PPP2R2B: variants seen among roughly 807,000 people sequenced by gnomAD.
PPP2R2B encodes the protein protein phosphatase 2 regulatory subunit Bbeta, also known as serine/threonine-protein phosphatase 2A 55 kDa regulatory subunit B beta isoform.
A neutral mutation model predicts 46.0 loss-of-function variants in PPP2R2B; 5 were observed. The ratio of observed to expected loss-of-function variants is 0.11; its 90% confidence interval spans 0.06 to 0.23. The LOEUF (loss-of-function observed/expected upper bound fraction) is 0.23, where lower values mean the gene tolerates loss of function less well. Among genes scored for constraint, PPP2R2B ranks in the 10% least tolerant of loss-of-function variants. PPP2R2B has a pLI of 1.00. For missense variants in PPP2R2B, 367 were observed against 575.0 expected (o/e 0.64, Z 3.70); for synonymous variants, 215 against 206.7 (o/e 1.04, Z -0.34).
chr5:147,026,948 G>A (rs1755553824), intron 1 of PPP2R2B, among the ~76,000 whole-genome samples: 1 of 152,150 alleles, frequency 6.6e-6, no homozygotes, highest in South Asian at 2.1e-4. Flanking sequence ...TTACTCAGAG[G>A]CAATCAAAGC....
chr5:146,774,641 AC>A (rs1419811201), intron 2 of PPP2R2B, among the ~76,000 whole-genome samples: 4 of 151,912 alleles, frequency 2.6e-5, no homozygotes, highest in South Asian at 2.1e-4. Flanking sequence ...ACACGGCAAA[AC>A]CCCGTCTCTA....
At chr5:146,784,267 C>T (rs80195078) in intron 2 of PPP2R2B, among the ~76,000 whole-genome samples, 1 of 152,242 alleles carries the variant, frequency 6.6e-6, no homozygotes, top group East Asian at 1.9e-4. Flanking sequence ...TTAGTCACAA[C>T]TAAAAGTGTG....
At chr5:147,051,146 TCTCATA>T (rs1451838571) in intron 1 of PPP2R2B, among the ~76,000 whole-genome samples, 1 of 152,144 alleles carries the variant, frequency 6.6e-6, no homozygotes, top group East Asian at 1.9e-4. Context: ...CAAAGGCTGT[TCTCATA>T]CTCAGAAGGA....
At chr5:147,081,504 T>C (rs1757966260), upstream of PPP2R2B, 14 of 587,544 alleles carry the variant, frequency 2.4e-5, no homozygotes, top group South Asian at 2.8e-4. Flanking sequence ...TGCTTTTGAT[T>C]GTTTTCCTTC....
At chr5:146,766,883 G>A (rs1449385468) in intron 2 of PPP2R2B, among the ~76,000 whole-genome samples, 3 of 151,862 alleles carry the variant, frequency 2.0e-5, no homozygotes, top group African/African-American at 7.2e-5. Context: ...GTGAAACCCC[G>A]TCTCTACTAA....
Position 146,696,073 on chromosome 5 carries a change from C to T in PPP2R2B, c.334+1906G>A, listed in dbSNP as rs190746707. 2.3e-3 allele frequency among the ~76,000 whole-genome samples: 342 copies of T among 151,914 alleles called. 1 individual carries two copies. The highest frequency in any genetic ancestry group is 7.7e-3 in the African/African-American group (317 of 41,432). ...TTGCATTTCACTGATTTTTTCCCATCCCCCCGCCAACAAAGTAGTTAATAA... is the reference window on the plus strand; with the variant it reads ...TTGCATTTCACTGATTTTTTCCCATTCCCCCGCCAACAAAGTAGTTAATAA... On this transcript the variant is annotated intron_variant, in intron 4 of 9. Coordinates refer to ENST00000394411, the MANE Select transcript of PPP2R2B (RefSeq NM_181675.4).
At chr5:146,662,064 C>CT (rs886066336) in intron 5 of PPP2R2B, among the ~76,000 whole-genome samples, 11 of 152,240 alleles carry the variant, frequency 7.2e-5, no homozygotes, top group African/African-American at 2.6e-4. Context: ...CTTTTTCCTA[C>CT]TATTAGGATA....
At chr5:146,720,303 C>T (rs1289111625) in intron 2 of PPP2R2B, among the ~76,000 whole-genome samples, 1 of 152,192 alleles carries the variant, frequency 6.6e-6, no homozygotes, top group African/African-American at 2.4e-5. Context: ...CAACTAAGGG[C>T]TGGCCTAACC....
intron 1 of PPP2R2B, among the ~76,000 whole-genome samples, chr5:147,034,547 G>A (rs1207176487): frequency 2.6e-5 from 4 of 152,084 alleles, no homozygotes; most frequent in African/African-American, 4.8e-5. Flanking sequence ...TCTTTGGAAT[G>A]AGTCCATGTT....
chr5:147,053,748 C>T (rs550989796), intron 1 of PPP2R2B, among the ~76,000 whole-genome samples: 8 of 152,276 alleles, frequency 5.3e-5, no homozygotes, highest in African/African-American at 9.6e-5. Flanking sequence ...CAAAAACAGA[C>T]GGCACCTATC....
At chr5:146,983,207 G>T (rs1161335153) in intron 1 of PPP2R2B, among the ~76,000 whole-genome samples, 4 of 93,324 alleles carry the variant, frequency 4.3e-5, no homozygotes, top group South Asian at 3.7e-4. Flanking sequence ...TTGAGACGGA[G>T]TCTTGCTCTG....
At chr5:146,932,029 A>G (rs956609031) in intron 1 of PPP2R2B, among the ~76,000 whole-genome samples, 2 of 152,278 alleles carry the variant, frequency 1.3e-5, no homozygotes, top group Admixed American at 6.5e-5. Context: ...TCTTCCTGAA[A>G]CACCAGGAGA....
intron 1 of PPP2R2B, among the ~76,000 whole-genome samples, chr5:146,926,227 C>T (rs539773968): frequency 2.5e-4 from 38 of 151,976 alleles, no homozygotes; most frequent in African/African-American, 8.4e-4. Flanking sequence ...CACATTGCAA[C>T]GACTCTGAAT....
At chr5:146,656,433 G>A (rs1776336388) in intron 5 of PPP2R2B, 2 of 152,770 alleles carry the variant, frequency 1.3e-5, no homozygotes, top group Non-Finnish European at 2.9e-5. Flanking sequence ...GCCCAGGCTG[G>A]AGTGCACTGG....
At chr5:146,674,995 G>T (rs189501579) in intron 5 of PPP2R2B, among the ~76,000 whole-genome samples, 1 of 151,968 alleles carries the variant, frequency 6.6e-6, no homozygotes, top group Non-Finnish European at 1.5e-5. Flanking sequence ...ATGGAGTCTC[G>T]CTCTGTTGCC....
chr5:147,011,563 C>G (rs1217214734), intron 1 of PPP2R2B, among the ~76,000 whole-genome samples: 4 of 151,770 alleles, frequency 2.6e-5, no homozygotes, highest in Non-Finnish European at 5.9e-5. Flanking sequence ...ATTGAATACC[C>G]TTTATTTCCT....
chr5:146,649,014 A>T (rs1237321442), intron 6 of PPP2R2B, among the ~76,000 whole-genome samples: 1 of 152,224 alleles, frequency 6.6e-6, no homozygotes, highest in Admixed American at 6.5e-5. Flanking sequence ...ATGATATTTG[A>T]ATTACATGTT....
chr5:146,716,118 A>C (rs965057019), intron 2 of PPP2R2B, among the ~76,000 whole-genome samples: 3 of 152,188 alleles, frequency 2.0e-5, no homozygotes, highest in African/African-American at 7.2e-5. Context: ...AGGACCTAGC[A>C]TAGGGACTGG....
At chr5:146,771,076 G>A (rs1582066249) in intron 2 of PPP2R2B, among the ~76,000 whole-genome samples, 1 of 152,070 alleles carries the variant, frequency 6.6e-6, no homozygotes, top group African/African-American at 2.4e-5. Flanking sequence ...AAATTATAAC[G>A]TTTCACTTTG....
Sources: gnomAD v4.1 joint callset for allele counts (sites outside exome capture counted in the v4.1 genomes callset) on GRCh38, gnomAD v4.1.1 for gene constraint, MANE v1.5 for transcripts, NCBI Gene and HGNC (gene_info 2026-07-23, HGNC 2026-07-21) for gene names.